KDM2A: variants seen among roughly 807,000 people sequenced by gnomAD.
KDM2A encodes the protein lysine demethylase 2A.
In KDM2A, 3 loss-of-function variants were observed where a neutral mutation model predicts 137.3. The observed-to-expected ratio is 0.02, with a 90% confidence interval of 0.01 to 0.06. The LOEUF (loss-of-function observed/expected upper bound fraction) is 0.06. Among genes scored for constraint, KDM2A ranks in the 10% least tolerant of loss-of-function variants. The pLI, the probability that KDM2A is intolerant of heterozygous loss-of-function variation, is 1.00. For synonymous variants in KDM2A, 512 were observed against 541.5 expected (o/e 0.95, Z 0.76); for missense variants, 738 against 1,510.6 (o/e 0.49, Z 8.48).
rs535831878 is a variant in KDM2A at position 67,132,894 on chromosome 11, C to T, written c.42+11536C>T. 7.5e-4 allele frequency among the ~76,000 whole-genome samples: 114 copies of T among 152,008 alleles called. 2 individuals are homozygous for T. Among genetic ancestry groups the T allele is most frequent in the Admixed American group, 2.3e-3 (35 of 15,236 alleles). On this transcript the variant is annotated intron_variant, in intron 2 of 20. Transcript: ENST00000529006. ...TAACAAGACAGGTGATTTTGATCCA[C>T]GCAAAAGTTTGAGAACCATTGCTGT... is the stretch of plus-strand genomic sequence containing the variant.
chr11:67,244,985 C>CA (rs367648085), intron 13 of KDM2A: 16,390 of 342,036 alleles, frequency 0.048, 1 homozygote, highest in East Asian at 0.053. Flanking sequence ...GACTCTGTCT[C>CA]AAAAAAAAAA....
intron 6 of KDM2A, among the ~76,000 whole-genome samples, chr11:67,212,220 C>G (rs923731941): frequency 2.0e-5 from 3 of 152,168 alleles, no homozygotes; most frequent in African/African-American, 7.2e-5. Flanking sequence ...TTAGGGGAAG[C>G]TCTTTGGAGG....
intron 12 of KDM2A, among the ~76,000 whole-genome samples, chr11:67,233,634 G>A (rs1161952199): frequency 1.0e-5 from 1 of 96,648 alleles, no homozygotes; most frequent in African/African-American, 3.0e-5. Flanking sequence ...CCTGGGTGAT[G>A]GAAGTGAAAC....
chr11:67,253,678 C>G, intron 19 of KDM2A, 67 bp downstream of exon 19: 1 of 1,525,710 alleles, frequency 6.6e-7, no homozygotes, highest in South Asian at 1.2e-5. Flanking sequence ...CAGACCTCGT[C>G]TTCAGAAGCT....
intron 12 of KDM2A, among the ~76,000 whole-genome samples, chr11:67,240,641 T>C (rs531524108): frequency 6.6e-6 from 1 of 152,320 alleles, no homozygotes; most frequent in East Asian, 1.9e-4. Flanking sequence ...GGGTGTGGGC[T>C]TGTGTTTAAA....
chr11:67,236,692 T>C (rs1255461824), intron 12 of KDM2A, among the ~76,000 whole-genome samples: 1 of 152,198 alleles, frequency 6.6e-6, no homozygotes, highest in Admixed American at 6.5e-5. Flanking sequence ...TTTTCTCCTC[T>C]ATAAAATATC....
chr11:67,228,654 C>G (rs886499248), intron 11 of KDM2A, among the ~76,000 whole-genome samples: 8 of 147,050 alleles, frequency 5.4e-5, no homozygotes, highest in Non-Finnish European at 7.4e-5. Context: ...CCACTGCACT[C>G]TAGCCTGGGC....
chr11:67,196,317 G>C, intron 5 of KDM2A: 1 of 456,090 alleles, frequency 2.2e-6, no homozygotes, highest in South Asian at 1.5e-5. Context: ...GCCTATTACA[G>C]TTTTAAGAGA....
intron 12 of KDM2A, among the ~76,000 whole-genome samples, chr11:67,233,170 A>G (rs367710437): frequency 1.1e-4 from 17 of 152,232 alleles, no homozygotes; most frequent in African/African-American, 4.1e-4. Context: ...ACAAGTTGTA[A>G]TGTTATTTTG....
chr11:67,149,340 T>G (rs1200630485), intron 2 of KDM2A: 1 of 152,136 alleles, frequency 6.6e-6, no homozygotes, highest in Non-Finnish European at 1.5e-5. Flanking sequence ...TGGTTGAGGA[T>G]TTAATGGGAT....
chr11:67,162,473 C>T (rs1856655981), intron 2 of KDM2A, among the ~76,000 whole-genome samples: 1 of 150,166 alleles, frequency 6.7e-6, no homozygotes, highest in Non-Finnish European at 1.5e-5. Flanking sequence ...GGCGTGACCT[C>T]AGCTCACTGC....
chr11:67,183,413 T>C (rs1012904402), intron 5 of KDM2A, among the ~76,000 whole-genome samples: 1 of 152,252 alleles, frequency 6.6e-6, no homozygotes, highest in Non-Finnish European at 1.5e-5. Context: ...TTGCTTGTGA[T>C]ATTGTTAAAA....
chr11:67,177,525 C>T lies in KDM2A; in HGVS notation c.43-2554C>T, dbSNP rs143590904. On this transcript the variant is annotated intron_variant, in intron 2 of 20. Transcript: ENST00000529006. The stretch of plus-strand genomic sequence containing the variant: ...ACATACACATCAGCCTGCAGAGGGT[C>T]GGGGTCATCAGTATCACAGAGCGGC... Among the ~76,000 whole-genome samples the T allele has an allele frequency of 5.8e-3, 875 of 151,954 alleles. 6 individuals are homozygous for T. The highest frequency in any genetic ancestry group is 9.7e-3 in the Non-Finnish European group (660 of 67,980).
At chr11:67,226,721 C>CA (rs1293858159) in intron 10 of KDM2A, among the ~76,000 whole-genome samples, 1 of 152,036 alleles carries the variant, frequency 6.6e-6, no homozygotes, top group East Asian at 1.9e-4. Flanking sequence ...GACTCCGTCT[C>CA]AAAAAACAAA....
rs1321052461 is a variant in KDM2A at position 67,256,380 on chromosome 11, G to C, written c.*1325G>C. 2 of 152,546 alleles carry C rather than the reference G, an allele frequency of 1.3e-5. No individual in the cohort carries two copies. The highest frequency in any genetic ancestry group is 4.8e-5 in the African/African-American group (2 of 41,430). The allele number at this position is 152,546 out of a possible 1,614,324, so 9.4% of individuals were successfully genotyped here. ...AAAAAAAAGAAAGAAAGAAAGGTCG[G>C]AATTTCTTTTGGGTCAATATTTTTA... On this transcript the variant is annotated 3_prime_UTR_variant, in exon 21 of 21. Transcript: ENST00000529006.
chr11:67,135,141 T>G (rs1409748163), intron 2 of KDM2A, among the ~76,000 whole-genome samples: 2 of 151,846 alleles, frequency 1.3e-5, no homozygotes, highest in African/African-American at 4.8e-5. Flanking sequence ...CGATCTCGTC[T>G]CACCACAACC....
At chr11:67,144,250 ATTT>A (rs780214487) in intron 2 of KDM2A, among the ~76,000 whole-genome samples, 2 of 131,682 alleles carry the variant, frequency 1.5e-5, no homozygotes, top group Admixed American at 7.8e-5. Flanking sequence ...TTGGCCTTAA[ATTT>A]TTTTTTTTTT....
chr11:67,138,830 G>A (rs536022694), intron 2 of KDM2A, among the ~76,000 whole-genome samples: 6 of 152,246 alleles, frequency 3.9e-5, no homozygotes, highest in Admixed American at 3.9e-4. Context: ...AGTTCTCCAG[G>A]TGATTCTGAT....
intron 5 of KDM2A, among the ~76,000 whole-genome samples, chr11:67,184,938 AT>A (rs1187240931): frequency 6.6e-6 from 1 of 152,190 alleles, no homozygotes; most frequent in African/African-American, 2.4e-5. Flanking sequence ...CAAATGTCCA[AT>A]TTTCAACAAA....
Sources: gnomAD v4.1 joint callset for allele counts (sites outside exome capture counted in the v4.1 genomes callset) on GRCh38, gnomAD v4.1.1 for gene constraint, MANE v1.5 for transcripts, NCBI Gene and HGNC (gene_info 2026-07-23, HGNC 2026-07-21) for gene names.